Variants in DCAF16 observed in about 807,000 individuals in gnomAD.
The protein encoded by DCAF16 is DDB1- and CUL4-associated factor 16.
A neutral mutation model predicts 17.3 loss-of-function variants in DCAF16; 10 were observed. The observed-to-expected ratio is 0.58, with a 90% CI of 0.36 to 0.98. The LOEUF (loss-of-function observed/expected upper bound fraction) is 0.98. DCAF16 is among the 50% of genes least tolerant of loss of function. The pLI is 0.01. For missense variants in DCAF16, 249 were observed against 247.6 expected (o/e 1.01, Z -0.04); for synonymous variants, 111 against 92.8 (o/e 1.20, Z -1.12).
rs1370626201 is a variant in DCAF16 at position 17,802,674 on chromosome 4, C to T, written c.*817G>A. ...AAAAAAAGAAAAAATAAAAGGAACC[C>T]TAAAGAGTGTCATATGTAGGCACAT... On this transcript the variant is annotated 3_prime_UTR_variant, in exon 3 of 3. Transcript: ENST00000382247. 1.3e-5 allele frequency: 2 copies of T among 151,076 alleles called. No homozygotes were observed. Among genetic ancestry groups the T allele is most frequent in the Non-Finnish European group, 2.9e-5 (2 of 67,882 alleles). 9.4% of individuals were successfully genotyped at this position (151,076 alleles called of 1,614,324 possible).
chr4:17,808,365 G>GT (rs1720518428), intron 1 of DCAF16, among the ~76,000 whole-genome samples: 1 of 152,128 alleles, frequency 6.6e-6, no homozygotes, highest in Non-Finnish European at 1.5e-5. Flanking sequence ...GATTGCACCT[G>GT]TGAGATTACT....
Position 17,805,122 on chromosome 4 carries a change from T to C in DCAF16, c.-646A>G, listed in dbSNP as rs1340021530. ...TTTTTTTTACCTTCAGAGGTGCTTG[T>C]TGGAATTAGTTTTAGGGGGCCTGTC... is the stretch of plus-strand genomic sequence containing the variant. On this transcript the variant is annotated 5_prime_UTR_variant, in exon 2 of 3. Coordinates refer to ENST00000382247, the MANE Select transcript of DCAF16 (RefSeq NM_017741.4). 4.6e-5 allele frequency: 7 copies of C among 150,832 alleles called. No individual in the cohort carries two copies. Among genetic ancestry groups the C allele is most frequent in the Non-Finnish European group, 1.0e-4 (7 of 67,868 alleles). The allele number at this position is 150,832 out of a possible 1,614,324, so 9.3% of individuals were successfully genotyped here.
intron 1 of DCAF16, among the ~76,000 whole-genome samples, chr4:17,809,875 G>A (rs2109034133): frequency 6.6e-6 from 1 of 152,256 alleles, no homozygotes; most frequent in East Asian, 1.9e-4. Flanking sequence ...AATATACGGT[G>A]AATAAAAGTT....
chr4:17,799,720 T>C (rs910611748), downstream of DCAF16, among the ~76,000 whole-genome samples: 10 of 152,224 alleles, frequency 6.6e-5, no homozygotes, highest in African/African-American at 2.2e-4. Context: ...GAAGGGCTTC[T>C]ATCCCCTAGA....
At chr4:17,799,036 C>T (rs548479352), downstream of DCAF16, among the ~76,000 whole-genome samples, 32 of 152,320 alleles carry the variant, frequency 2.1e-4, no homozygotes, top group Admixed American at 9.8e-4. Context: ...CCATACTTCT[C>T]AGGCTGTTCT....
chr4:17,796,347 A>ATT (rs148186730), downstream of DCAF16, among the ~76,000 whole-genome samples: 158 of 151,940 alleles, frequency 1.0e-3, 4 homozygotes, highest in South Asian at 0.032. Context: ...CCTATCGAGT[A>ATT]TTTTTTGTTT....
chr4:17,794,605 T>C, the DCAF16 span, among the ~76,000 whole-genome samples: 2 of 152,168 alleles, frequency 1.3e-5, no homozygotes, highest in Non-Finnish European at 2.9e-5. Context: ...AAATTGAGAT[T>C]TCCCTAAGCA....
chr4:17,799,683 G>A (rs1242466006), downstream of DCAF16, among the ~76,000 whole-genome samples: 1 of 151,948 alleles, frequency 6.6e-6, no homozygotes, highest in Non-Finnish European at 1.5e-5. Context: ...TTTAAAATAT[G>A]GACAGGTGTG....
At position 17,804,280 on chromosome 4, in the gene DCAF16, A is replaced by G; in HGVS notation, c.-139T>C. The G allele has an allele frequency of 1.4e-6, 1 of 711,078 alleles. No individual in the cohort carries two copies. The highest frequency in any genetic ancestry group is 2.4e-6 in the Non-Finnish European group (1 of 421,842). 44.0% of individuals were successfully genotyped at this position (711,078 alleles called of 1,614,324 possible). A position where few individuals can be genotyped will look rare whatever the true frequency, so the allele number is the denominator to read the frequency against. ...TTGTCTTTCAGTCCGTTACACACAT[A>G]AAGTATGCTTGTGGCCCATACCACT... On this transcript the variant is annotated 5_prime_UTR_variant, in exon 3 of 3. Coordinates refer to ENST00000382247, the MANE Select transcript of DCAF16 (RefSeq NM_017741.4).
chr4:17,794,163 A>G, the DCAF16 span, among the ~76,000 whole-genome samples: 2 of 152,208 alleles, frequency 1.3e-5, no homozygotes, highest in African/African-American at 4.8e-5. Flanking sequence ...AAAAGTAGAT[A>G]CAGGTTGAGT....
chr4:17,798,589 G>A (rs1719539904), downstream of DCAF16, among the ~76,000 whole-genome samples: 1 of 151,366 alleles, frequency 6.6e-6, no homozygotes, highest in African/African-American at 2.4e-5. Flanking sequence ...GCGAAACCCT[G>A]TGTCAAAAAA....
In DCAF16 at chr4:17,801,787, C is replaced by T. The variant is rs920820191; in HGVS notation, c.*1704G>A. On this transcript the variant is annotated 3_prime_UTR_variant, in exon 3 of 3. Transcript: ENST00000382247. ...AAAACAATGCTGCTAAAACTCTTAA[C>T]TTCAGATTGTATTAGGCTGAGATTT... is the stretch of plus-strand genomic sequence containing the variant. 2 of 152,224 alleles carry T rather than the reference C, an allele frequency of 1.3e-5. No individual in the cohort carries two copies. Among genetic ancestry groups the T allele is most frequent in the Non-Finnish European group, 1.5e-5 (1 of 68,010 alleles). 9.4% of individuals were successfully genotyped at this position (152,224 alleles called of 1,614,324 possible).
chr4:17,804,155 AG>A lies in DCAF16; in HGVS notation c.-15del, dbSNP rs1720081934. 1 of 1,600,450 alleles carries A rather than the reference AG, an allele frequency of 6.2e-7. No individual in the cohort carries two copies. On this transcript the variant is annotated 5_prime_UTR_variant, in exon 3 of 3. In the 5' UTR this introduces an upstream ATG that the reference lacks. Transcript: ENST00000382247. ...TCTAGGACCCATCAGAATAAAACACAGTAAGGAACCAGAAAAAGGTAATAAT... is the reference window on the plus strand; with the variant it reads ...TCTAGGACCCATCAGAATAAAACACATAAGGAACCAGAAAAAGGTAATAAT...
At chr4:17,807,674 G>A (rs947443476) in intron 1 of DCAF16, among the ~76,000 whole-genome samples, 5 of 152,166 alleles carry the variant, frequency 3.3e-5, no homozygotes, top group South Asian at 2.1e-4. Context: ...GGTTCCTATC[G>A]CTGGAGAAGC....
At position 17,805,942 on chromosome 4, in the gene DCAF16, G is replaced by C. The variant is rs60865737; in HGVS notation, c.-749-717C>G. ...TGATCACACCACTGTACTCCAGTCTGGGTGACAGAATGAGACTCTTCTCTA... is the reference window on the plus strand; with the variant it reads ...TGATCACACCACTGTACTCCAGTCTCGGTGACAGAATGAGACTCTTCTCTA... On this transcript the variant is annotated intron_variant, in intron 1 of 2. Transcript: ENST00000382247. Among the ~76,000 whole-genome samples, 403 of 152,264 alleles carry C rather than the reference G, an allele frequency of 2.6e-3. 4 individuals carry two copies. Among genetic ancestry groups the C allele is most frequent in the African/African-American group, 9.0e-3 (375 of 41,542 alleles).
intron 1 of DCAF16, among the ~76,000 whole-genome samples, chr4:17,807,685 G>A (rs764858212): frequency 5.9e-5 from 9 of 152,178 alleles, no homozygotes; most frequent in Non-Finnish European, 8.8e-5. Context: ...CTGGAGAAGC[G>A]GACTGGTAAA....
the DCAF16 span, among the ~76,000 whole-genome samples, chr4:17,793,634 A>G: frequency 6.6e-6 from 1 of 152,208 alleles, no homozygotes; most frequent in Non-Finnish European, 1.5e-5. Flanking sequence ...TTCACATGAA[A>G]TCTGAGAACA....
At position 17,804,216 on chromosome 4, in the gene DCAF16, T is replaced by C. The variant is rs1476149984; in HGVS notation, c.-75A>G. On this transcript the variant is annotated 5_prime_UTR_variant, in exon 3 of 3. Coordinates refer to ENST00000382247, the MANE Select transcript of DCAF16 (RefSeq NM_017741.4). Reference sequence around the variant, plus strand: ...CAGAACACTGACTAACACTGGCAAATAGAAATAAGAGATGAAAAATCCTTT... The same window carrying C: ...CAGAACACTGACTAACACTGGCAAACAGAAATAAGAGATGAAAAATCCTTT... The C allele has an allele frequency of 2.8e-5, 35 of 1,241,972 alleles. No individual in the cohort carries two copies. In the Admixed American group the frequency reaches 7.6e-4, roughly 27 times the overall value. 76.9% of individuals were successfully genotyped at this position (1,241,972 alleles called of 1,614,324 possible).
chr4:17,798,298 A>G (rs148974873), downstream of DCAF16, among the ~76,000 whole-genome samples: 403 of 146,496 alleles, frequency 2.8e-3, 4 homozygotes, highest in African/African-American at 9.5e-3. Context: ...TTCCTGTTAC[A>G]CTGTTATTTT....
Sources: gnomAD v4.1 joint callset for allele counts (sites outside exome capture counted in the v4.1 genomes callset) on GRCh38, gnomAD v4.1.1 for gene constraint, MANE v1.5 for transcripts, NCBI Gene and HGNC (gene_info 2026-07-23, HGNC 2026-07-21) for gene names.